CCDC7: variants seen among roughly 807,000 people sequenced by gnomAD.
CCDC7 encodes the protein coiled-coil domain-containing protein 7.
CCDC7 carries 183 observed loss-of-function variants against 196.9 expected under a neutral mutation model. The ratio of observed to expected loss-of-function variants is 0.93; its 90% CI spans 0.82 to 1.05. CCDC7 has a LOEUF of 1.05. Ranked by LOEUF, CCDC7 falls within the 50% of genes least tolerant of loss-of-function variation. The probability of loss-of-function intolerance (pLI) is 0.00; values close to 1 mark genes in which losing one functional copy is unlikely to be tolerated. For missense variants in CCDC7, 1,540 were observed against 1,482.2 expected (o/e 1.04, Z -0.64); for synonymous variants, 525 against 484.6 (o/e 1.08, Z -1.10).
At chr10:32,769,044 C>CT (rs2078756033) in intron 28 of CCDC7, among the ~76,000 whole-genome samples, 1 of 152,062 alleles carries the variant, frequency 6.6e-6, no homozygotes, top group African/African-American at 2.4e-5. Context: ...AGGATTCTCT[C>CT]TTTTTATAAT....
At chr10:32,867,495 A>G (rs1033304971) in intron 41 of CCDC7, among the ~76,000 whole-genome samples, 3 of 151,214 alleles carry the variant, frequency 2.0e-5, no homozygotes, top group Admixed American at 2.0e-4. Flanking sequence ...AGGGATTGGA[A>G]TCCCTTCTAG....
chr10:32,623,306 C>T (rs918599007), intron 18 of CCDC7, among the ~76,000 whole-genome samples: 4 of 152,036 alleles, frequency 2.6e-5, no homozygotes, highest in African/African-American at 9.7e-5. Context: ...TTTTGTTTCA[C>T]AGTTGGATCT....
intron 18 of CCDC7, among the ~76,000 whole-genome samples, chr10:32,627,846 C>T (rs73257461): frequency 0.053 from 8,052 of 152,002 alleles, 709 homozygotes; most frequent in African/African-American, 0.18. Flanking sequence ...ACCTTTTATG[C>T]ATCCCTAGGA....
intron 29 of CCDC7, among the ~76,000 whole-genome samples, chr10:32,786,970 C>T (rs972008083): frequency 6.6e-6 from 1 of 151,558 alleles, no homozygotes; most frequent in Non-Finnish European, 1.5e-5. Flanking sequence ...TCTGAGCAGA[C>T]GAAAGAAGAA....
chr10:32,765,838 G>A (rs1009038390), intron 28 of CCDC7, among the ~76,000 whole-genome samples: 8 of 151,972 alleles, frequency 5.3e-5, no homozygotes, highest in Non-Finnish European at 1.2e-4. Context: ...GTATCCCCTG[G>A]TAACTGGCAT....
At chr10:32,733,862 A>T (rs11594255) in intron 28 of CCDC7, among the ~76,000 whole-genome samples, 21,793 of 152,190 alleles carry the variant, frequency 0.14, 1,897 homozygotes, top group African/African-American at 0.25. Flanking sequence ...TTTTATACAA[A>T]TCAAAACCAT....
exon 2 of CCDC7, chr10:32,453,345 T>C (rs757213991): frequency 6.7e-7 from 1 of 1,495,258 alleles, no homozygotes; most frequent in Non-Finnish European, 8.9e-7. Context: ...TTTTTACAGG[T>C]TGTTTCCACT....
chr10:32,519,762 C>A (rs749757599), intron 11 of CCDC7, among the ~76,000 whole-genome samples: 2 of 151,928 alleles, frequency 1.3e-5, no homozygotes, highest in Admixed American at 1.3e-4. Flanking sequence ...CTTAAATGTA[C>A]AATTAAATCA....
intron 31 of CCDC7, among the ~76,000 whole-genome samples, chr10:32,823,678 AG>A (rs2090639312): frequency 6.6e-6 from 1 of 152,240 alleles, no homozygotes; most frequent in South Asian, 2.1e-4. Flanking sequence ...TTAATAAACC[AG>A]GTTTACCAGT....
chr10:32,703,487 T>C (rs2079124900), intron 24 of CCDC7, among the ~76,000 whole-genome samples: 2 of 152,052 alleles, frequency 1.3e-5, no homozygotes, highest in South Asian at 2.1e-4. Context: ...CTGACAATTA[T>C]GAGTCTTGGA....
chr10:32,784,290 TTATGG>T (rs56368601), intron 29 of CCDC7, among the ~76,000 whole-genome samples: 15,863 of 151,918 alleles, frequency 0.1, 1,012 homozygotes, highest in South Asian at 0.25. Context: ...TAAATGTGTG[TTATGG>T]TGGTTTGCTG....
rs1234479914 is a variant in CCDC7 at position 32,758,639 on chromosome 10, C to T, written c.2906-20338C>T. The stretch of plus-strand genomic sequence containing the variant: ...TTTATGACAAACCCACAGCCAATAT[C>T]ATACTGAATGGGCAAAAACTGGAAG... On this transcript the variant is annotated intron_variant, in intron 28 of 41. Transcript: ENST00000639629. 2.6e-5 allele frequency among the ~76,000 whole-genome samples: 4 copies of T among 152,234 alleles called. No individual in the cohort carries two copies. In the East Asian group the frequency reaches 7.7e-4, roughly 29 times the overall value.
Position 32,882,320 on chromosome 10 carries a change from C to G in CCDC7, c.*2358-373C>G, listed in dbSNP as rs183466587. Among the ~76,000 whole-genome samples the G allele has an allele frequency of 7.7e-4, 117 of 152,114 alleles. 1 individual carries two copies. The highest frequency in any genetic ancestry group is 3.0e-3 in the Admixed American group (46 of 15,254). Reference sequence around the variant, plus strand: ...AGATTAAGGACTTAGACATTAACGGCGAGGGGTGAGAAACTTGGTTAGATA... The same window carrying G: ...AGATTAAGGACTTAGACATTAACGGGGAGGGGTGAGAAACTTGGTTAGATA... On this transcript the variant is annotated intron_variant and NMD_transcript_variant, in intron 22 of 22. Transcript: ENST00000375025.
At chr10:32,489,165 A>G (rs1391027204) in intron 8 of CCDC7, among the ~76,000 whole-genome samples, 2 of 152,106 alleles carry the variant, frequency 1.3e-5, no homozygotes, top group Non-Finnish European at 2.9e-5. Flanking sequence ...ATACCTGTGG[A>G]GTGGTCAAGG....
At chr10:32,701,766 A>G (rs569993537) in intron 24 of CCDC7, among the ~76,000 whole-genome samples, 2,922 of 152,222 alleles carry the variant, frequency 0.019, 95 homozygotes, top group African/African-American at 0.066. Flanking sequence ...GTGTTGAGGA[A>G]TTTATCCATT....
chr10:32,695,020 A>C (rs907786938), intron 24 of CCDC7, 28 bp downstream of exon 25: 1 of 1,253,918 alleles, frequency 8.0e-7, no homozygotes, highest in African/African-American at 1.5e-5. Flanking sequence ...AGATAACTTA[A>C]AAATTTTAAA....
At chr10:32,745,959 TG>T (rs1565372418) in intron 28 of CCDC7, among the ~76,000 whole-genome samples, 1 of 152,182 alleles carries the variant, frequency 6.6e-6, no homozygotes, top group Non-Finnish European at 1.5e-5. Flanking sequence ...TATTCAATTT[TG>T]GGGGGCACTG....
At chr10:32,677,220 T>TGG (rs890541070) in intron 21 of CCDC7, among the ~76,000 whole-genome samples, 6 of 53,604 alleles carry the variant, frequency 1.1e-4, no homozygotes, top group African/African-American at 3.8e-4. Flanking sequence ...TGTTGTGGGG[T>TGG]GGGGGGAGGG....
intron 24 of CCDC7, among the ~76,000 whole-genome samples, chr10:32,707,780 C>T (rs1162840848): frequency 6.6e-6 from 1 of 152,142 alleles, no homozygotes; most frequent in African/African-American, 2.4e-5. Context: ...TGAAGGACCT[C>T]TTCAAGGAGA....
Sources: allele counts gnomAD v4.1 joint callset (sites outside exome capture counted in the v4.1 genomes callset), GRCh38; gene constraint gnomAD v4.1.1; transcripts MANE v1.5; gene names NCBI Gene and HGNC (gene_info 2026-07-23, HGNC 2026-07-21).